The following KLF12 variants were observed in gnomAD, a reference collection of about 807,000 sequenced individuals.
The protein encoded by KLF12 is Krueppel-like factor 12.
Under a neutral mutation model 37.8 loss-of-function variants are expected in KLF12, and 9 were observed. The ratio of observed to expected loss-of-function variants is 0.24; its 90% CI spans 0.14 to 0.42. The LOEUF is 0.42. KLF12 is among the 10% of genes least tolerant of loss of function. KLF12 has a pLI of 1.00. For synonymous variants in KLF12, 208 were observed against 202.1 expected (o/e 1.03, Z -0.25); for missense variants, 411 against 516.0 (o/e 0.80, Z 1.97).
chr13:74,237,316 C>T, the KLF12 span, among the ~76,000 whole-genome samples: 1 of 144,212 alleles, frequency 6.9e-6, no homozygotes, highest in South Asian at 2.1e-4. Flanking sequence ...TGTTTTGGTA[C>T]AAGTACCATG....
intron 2 of KLF12, among the ~76,000 whole-genome samples, chr13:73,991,249 T>C (rs1891963811): frequency 6.6e-6 from 1 of 152,206 alleles, no homozygotes. Context: ...AGTACGATTA[T>C]ATATGCCTGG....
chr13:74,004,279 T>A (rs1416589022), intron 1 of KLF12, among the ~76,000 whole-genome samples: 1 of 152,168 alleles, frequency 6.6e-6, no homozygotes, highest in African/African-American at 2.4e-5. Context: ...AGTCCTGGCA[T>A]CAGCAAATAT....
chr13:73,772,970 G>C (rs377714945), intron 5 of KLF12, among the ~76,000 whole-genome samples: 41 of 152,316 alleles, frequency 2.7e-4, no homozygotes, highest in East Asian at 1.7e-3. Flanking sequence ...AAGTGAGGCA[G>C]AAGTAAGGTA....
At chr13:74,050,152 G>GA (rs541935210) in intron 1 of KLF12, among the ~76,000 whole-genome samples, 3 of 149,976 alleles carry the variant, frequency 2.0e-5, no homozygotes, top group African/African-American at 7.3e-5. Context: ...CAGAGAGAAA[G>GA]AAAAAAAAAG....
At chr13:74,221,771 C>T in the KLF12 span, among the ~76,000 whole-genome samples, 1 of 152,136 alleles carries the variant, frequency 6.6e-6, no homozygotes, top group Non-Finnish European at 1.5e-5. Context: ...CTGAGGGGTG[C>T]ATGATCTTGG....
At chr13:73,912,385 T>C (rs1056824158) in intron 3 of KLF12, among the ~76,000 whole-genome samples, 6 of 152,174 alleles carry the variant, frequency 3.9e-5, no homozygotes, top group South Asian at 4.1e-4. Flanking sequence ...TGATTTTATT[T>C]GGAATAAGGT....
intron 2 of KLF12, among the ~76,000 whole-genome samples, chr13:73,967,030 A>G (rs952611183): frequency 1.3e-5 from 2 of 152,256 alleles, no homozygotes; most frequent in African/African-American, 2.4e-5. Context: ...ACAATTAAAA[A>G]TACTCACTTC....
chr13:74,276,644 C>T, the KLF12 span, among the ~76,000 whole-genome samples: 1 of 152,098 alleles, frequency 6.6e-6, no homozygotes, highest in East Asian at 1.9e-4. Context: ...AAGTTGTCTT[C>T]CTAATAAGCC....
At chr13:73,915,519 CTT>C (rs889139663) in intron 3 of KLF12, among the ~76,000 whole-genome samples, 3 of 144,816 alleles carry the variant, frequency 2.1e-5, no homozygotes, top group African/African-American at 2.5e-5. Context: ...AGTTTTGTTT[CTT>C]TTTTTTTTTG....
intron 3 of KLF12, among the ~76,000 whole-genome samples, chr13:73,886,442 G>A (rs771224296): frequency 6.6e-6 from 1 of 152,106 alleles, no homozygotes; most frequent in Non-Finnish European, 1.5e-5. Context: ...TTTTGTGTAA[G>A]GTGAACAGCC....
intron 6 of KLF12, among the ~76,000 whole-genome samples, chr13:73,750,553 T>C (rs1878671462): frequency 6.6e-6 from 1 of 152,138 alleles, no homozygotes; most frequent in Non-Finnish European, 1.5e-5. Context: ...CTATGCTCCA[T>C]ATGGTGGCAT....
At chr13:74,049,701 G>A (rs12430604) in intron 1 of KLF12, among the ~76,000 whole-genome samples, 7,604 of 152,246 alleles carry the variant, frequency 0.05, 246 homozygotes, top group Non-Finnish European at 0.075. Flanking sequence ...GAATTCCAGC[G>A]TGGGATAATC....
chr13:73,800,172 C>T (rs1296269298), intron 5 of KLF12: 2 of 151,886 alleles, frequency 1.3e-5, no homozygotes, highest in East Asian at 3.8e-4. Context: ...TAGAATAAGC[C>T]TTTTGTCAAG....
the KLF12 span, among the ~76,000 whole-genome samples, chr13:74,302,863 T>A: frequency 6.6e-6 from 1 of 152,072 alleles, no homozygotes; most frequent in Non-Finnish European, 1.5e-5. Context: ...AAAGGGGAAA[T>A]GAGTGCTGTG....
the KLF12 span, among the ~76,000 whole-genome samples, chr13:74,204,734 T>G: frequency 6.6e-6 from 1 of 152,182 alleles, no homozygotes; most frequent in African/African-American, 2.4e-5. Flanking sequence ...CTTGAATGAT[T>G]CAGAGACCTC....
intron 3 of KLF12, among the ~76,000 whole-genome samples, chr13:73,911,894 C>G (rs999633420): frequency 1.3e-5 from 2 of 152,208 alleles, no homozygotes; most frequent in Non-Finnish European, 2.9e-5. Flanking sequence ...GCCAGAGACT[C>G]TGCCATCAGC....
At chr13:74,287,349 T>TGAGAGAGAGAGA in the KLF12 span, among the ~76,000 whole-genome samples, 4,593 of 71,808 alleles carry the variant, frequency 0.064, 559 homozygotes, top group East Asian at 0.13. Flanking sequence ...CTATCAAAGT[T>TGAGAGAGAGAGA]GAGAGAGAGA....
chr13:73,972,281 T>G (rs956318396), intron 2 of KLF12, among the ~76,000 whole-genome samples: 1 of 152,104 alleles, frequency 6.6e-6, no homozygotes, highest in African/African-American at 2.4e-5. Context: ...CCTGAAACTT[T>G]CCCCATTATC....
chr13:74,144,330 G>T, the KLF12 span, among the ~76,000 whole-genome samples: 18 of 152,138 alleles, frequency 1.2e-4, no homozygotes, highest in African/African-American at 4.3e-4. Context: ...GATTACTGTG[G>T]GTCTCAGGAC....
Sources: gnomAD v4.1 joint callset for allele counts (sites outside exome capture counted in the v4.1 genomes callset) on GRCh38, gnomAD v4.1.1 for gene constraint, MANE v1.5 for transcripts, NCBI Gene and HGNC (gene_info 2026-07-23, HGNC 2026-07-21) for gene names.